Variants in PCGF3 observed in about 807,000 individuals in gnomAD.
PCGF3 encodes the protein polycomb group RING finger protein 3.
A neutral mutation model predicts 33.1 loss-of-function variants in PCGF3; 7 were observed. The ratio of observed to expected loss-of-function variants is 0.21; its 90% CI spans 0.12 to 0.40. The LOEUF (loss-of-function observed/expected upper bound fraction) is 0.40. PCGF3 is among the 10% of genes least tolerant of loss of function. The probability of loss-of-function intolerance (pLI) is 1.00; values close to 1 mark genes in which losing one functional copy is unlikely to be tolerated. For missense variants in PCGF3, 211 were observed against 313.3 expected (o/e 0.67, Z 2.46); for synonymous variants, 153 against 121.3 (o/e 1.26, Z -1.72).
chr4:725,091 G>T, intron 1 of PCGF3: 1 of 152,586 alleles, frequency 6.6e-6, no homozygotes. Context: ...TGACACCGCG[G>T]GTGCAGCAGG....
At chr4:715,564 G>C (rs1742789263) in intron 1 of PCGF3, among the ~76,000 whole-genome samples, 1 of 124,750 alleles carries the variant, frequency 8.0e-6, no homozygotes, top group Non-Finnish European at 1.7e-5. Context: ...CTGGGTGTCG[G>C]TGCTGGGACC....
rs374912694 is a variant in PCGF3 at position 739,184 on chromosome 4, C to T, written c.262+1663C>T. Among the ~76,000 whole-genome samples the T allele has an allele frequency of 1.2e-4, 18 of 152,196 alleles. No homozygotes were observed. The South Asian group carries it at 2.5e-3, about 21-fold the overall frequency. On this transcript the variant is annotated intron_variant, in intron 6 of 10. Transcript: ENST00000362003. ...GACATTTCTAGTTGTCTCATAAATGCGGTGCTTTTTGGTTGTTGTTTATTT... is the reference window on the plus strand; with the variant it reads ...GACATTTCTAGTTGTCTCATAAATGTGGTGCTTTTTGGTTGTTGTTTATTT...
intron 6 of PCGF3, among the ~76,000 whole-genome samples, chr4:739,782 A>C (rs920020376): frequency 1.3e-5 from 2 of 152,110 alleles, no homozygotes; most frequent in Non-Finnish European, 2.9e-5. Flanking sequence ...GTTCTCGTCC[A>C]CCTCAGCACG....
chr4:756,411 C>T (rs1392097190), intron 8 of PCGF3, among the ~76,000 whole-genome samples: 2 of 151,764 alleles, frequency 1.3e-5, no homozygotes, highest in Admixed American at 1.3e-4. Flanking sequence ...CGGGGTTTCA[C>T]TATGTTGGCC....
intron 9 of PCGF3, chr4:762,910 G>C (rs1049597002): frequency 6.6e-6 from 1 of 152,344 alleles, no homozygotes; most frequent in African/African-American, 2.4e-5. Flanking sequence ...GAAGGGGTCA[G>C]GAATGACTGC....
At chr4:760,451 CGTGA>C (rs1451737327) in intron 8 of PCGF3, among the ~76,000 whole-genome samples, 2 of 152,108 alleles carry the variant, frequency 1.3e-5, no homozygotes, top group South Asian at 4.2e-4. Context: ...TGTTAGTTTC[CGTGA>C]GTGTTTTTAT....
chr4:753,854 T>G (rs143787466), intron 8 of PCGF3, among the ~76,000 whole-genome samples: 50 of 151,652 alleles, frequency 3.3e-4, no homozygotes, highest in East Asian at 5.9e-4. Flanking sequence ...GGCTGAGGCA[T>G]GAGAATCGCT....
At chr4:735,112 G>A (rs750799716) in intron 5 of PCGF3, 85 bp downstream of exon 5, 13 of 1,415,796 alleles carry the variant, frequency 9.2e-6, no homozygotes, top group East Asian at 2.5e-5. Flanking sequence ...GGCCATTAGC[G>A]CTGTACTCCC....
At chr4:738,919 G>A (rs1410396845) in intron 6 of PCGF3, among the ~76,000 whole-genome samples, 1 of 152,098 alleles carries the variant, frequency 6.6e-6, no homozygotes, top group African/African-American at 2.4e-5. Context: ...AGCAGTGGGC[G>A]GGATCGGGGC....
intron 1 of PCGF3, among the ~76,000 whole-genome samples, chr4:728,047 G>C (rs1366763202): frequency 2.6e-5 from 4 of 152,198 alleles, no homozygotes; most frequent in African/African-American, 9.7e-5. Context: ...CAATGCTGGT[G>C]AATTACTGTT....
exon 11 of PCGF3, chr4:766,095 G>A (rs74505207): frequency 0.017 from 27,000 of 1,612,020 alleles, 377 homozygotes; most frequent in South Asian, 0.052. Context: ...GCCACACAGC[G>A]CCCACAGACT....
chr4:739,400 C>T (rs1743987150), intron 6 of PCGF3, among the ~76,000 whole-genome samples: 1 of 152,174 alleles, frequency 6.6e-6, no homozygotes, highest in South Asian at 2.1e-4. Context: ...CTGTGTTGCC[C>T]AGGCTGGTCT....
exon 11 of PCGF3, chr4:766,307 C>T (rs553753073): frequency 9.2e-5 from 44 of 480,606 alleles, no homozygotes; most frequent in South Asian, 1.3e-4. Context: ...TCCTCTCCCC[C>T]GCCCCACCCC....
At chr4:706,925 T>C (rs1187059746) in intron 1 of PCGF3, among the ~76,000 whole-genome samples, 1 of 62,358 alleles carries the variant, frequency 1.6e-5, no homozygotes, top group Admixed American at 1.7e-4. Context: ...AGGACCCAGG[T>C]GAGGGCAAAG....
At chr4:715,327 T>G (rs1473117840) in intron 1 of PCGF3, among the ~76,000 whole-genome samples, 8 of 124,628 alleles carry the variant, frequency 6.4e-5, no homozygotes, top group Middle Eastern at 6.2e-3. Context: ...AGACACTGAG[T>G]GTGAGAACTG....
At chr4:758,468 TTCCCGTGCGG>T (rs1744881332) in intron 8 of PCGF3, among the ~76,000 whole-genome samples, 1 of 134,120 alleles carries the variant, frequency 7.5e-6, no homozygotes, top group Non-Finnish European at 1.6e-5. Flanking sequence ...CGGGTCTTTC[TTCCCGTGCGG>T]CCCCTCTCCC....
intron 1 of PCGF3, among the ~76,000 whole-genome samples, chr4:715,841 C>G (rs71604303): frequency 1.7e-4 from 13 of 76,808 alleles, no homozygotes; most frequent in East Asian, 8.5e-4. Flanking sequence ...CTGGGACCCT[C>G]TAGACACTGT....
chr4:768,018 A>T (rs1302580880), exon 11 of PCGF3: 3 of 152,696 alleles, frequency 2.0e-5, no homozygotes, highest in African/African-American at 4.8e-5. Context: ...ATTAAATCAC[A>T]GTTCAGATGA....
chr4:717,104 G>C, intron 1 of PCGF3, among the ~76,000 whole-genome samples: 1 of 93,574 alleles, frequency 1.1e-5, no homozygotes, highest in Non-Finnish European at 2.2e-5. Flanking sequence ...CGTCGGTGCT[G>C]GGACCCTGTA....
Sources: gnomAD v4.1 joint callset for allele counts (sites outside exome capture counted in the v4.1 genomes callset) on GRCh38, gnomAD v4.1.1 for gene constraint, MANE v1.5 for transcripts, NCBI Gene and HGNC (gene_info 2026-07-23, HGNC 2026-07-21) for gene names.